Variants in PPP1R11 observed in about 807,000 individuals in gnomAD.
The protein encoded by PPP1R11 is protein phosphatase 1 regulatory inhibitor subunit 11, also known as E3 ubiquitin-protein ligase PPP1R11.
Under a neutral mutation model 11.3 loss-of-function variants are expected in PPP1R11, and 10 were observed. The observed-to-expected ratio is 0.88, with a 90% CI of 0.55 to 1.50. PPP1R11 has a LOEUF of 1.50. PPP1R11 is among the 40% of genes most tolerant of loss of function. The probability of loss-of-function intolerance (pLI) is 0.00; values close to 1 mark genes in which losing one functional copy is unlikely to be tolerated. For synonymous variants in PPP1R11, 56 were observed against 62.3 expected (o/e 0.90, Z 0.48); for missense variants, 114 against 179.1 (o/e 0.64, Z 2.07).
Position 30,069,099 on chromosome 6 carries a change from T to C in PPP1R11, c.179-5T>C, listed in dbSNP as rs771734349. 4 of 1,594,796 alleles carry C rather than the reference T, an allele frequency of 2.5e-6. No homozygotes were observed. The highest frequency in any genetic ancestry group is 3.4e-6 in the Non-Finnish European group (4 of 1,164,134). ...CTTTAACTGGGCTCCTCCCTCTAAA[T>C]CTAGGCTGCTGTATTTATGAGAAAC... On this transcript the variant is annotated splice_region_variant and splice_polypyrimidine_tract_variant and intron_variant, in intron 2 of 2. Transcript: ENST00000376772. This position sits in a 1 kb window ranked among gnomAD's most constrained non-coding sequence, Gnocchi z 6.6.
chr6:30,068,548 T>A lies in PPP1R11; in HGVS notation c.70-42T>A. On this transcript the variant is annotated intron_variant, in intron 1 of 2. Coordinates refer to ENST00000376772, the MANE Select transcript of PPP1R11 (RefSeq NM_021959.3). ...CCTGGGAGGGAGTGGGAAAGGTTAG[T>A]AAGAGGGGACTAGATAGGTATGCTC... The A allele has an allele frequency of 3.3e-6, 5 of 1,537,572 alleles. No homozygotes were observed. In the African/African-American group the frequency reaches 5.5e-5, roughly 17 times the overall value.
the PPP1R11 span, chr6:30,061,274 G>A: frequency 2.4e-6 from 1 of 411,434 alleles, no homozygotes. The surrounding 1 kb of genome is among the most constrained non-coding windows in gnomAD (Gnocchi z 5.0). Context: ...CAGAGCTGGC[G>A]CTCTAGCCCA....
At chr6:30,061,833 C>T, upstream of PPP1R11, 1 of 1,564,060 alleles carries the variant, frequency 6.4e-7, no homozygotes, top group Non-Finnish European at 8.8e-7. This position sits in a 1 kb window ranked among gnomAD's most constrained non-coding sequence, Gnocchi z 5.0. Flanking sequence ...GGCCTCCTGG[C>T]CTAACCAGCC....
the PPP1R11 span, chr6:30,061,630 G>A: frequency 6.2e-7 from 1 of 1,612,958 alleles, no homozygotes. This position sits in a 1 kb window ranked among gnomAD's most constrained non-coding sequence, Gnocchi z 5.0. Flanking sequence ...TCAGGATACG[G>A]TCACCTGTAT....
chr6:30,061,399 G>C, the PPP1R11 span: 1 of 1,074,294 alleles, frequency 9.3e-7, no homozygotes, highest in East Asian at 2.5e-5. The surrounding 1 kb of genome is among the most constrained non-coding windows in gnomAD (Gnocchi z 5.0). Context: ...GGCAGGAGGC[G>C]TGCGTGGCAG....
chr6:30,064,605 ATATCT>A (rs1455919816), upstream of PPP1R11: 183 of 1,425,248 alleles, frequency 1.3e-4, 2 homozygotes, highest in Non-Finnish European at 1.6e-4. Context: ...ATTTGATTGC[ATATCT>A]TATCTTATAC....
chr6:30,064,940 C>A, upstream of PPP1R11: 1 of 384,940 alleles, frequency 2.6e-6, no homozygotes, highest in Non-Finnish European at 4.6e-6. Flanking sequence ...TGTCTTATTC[C>A]AAAAGGAATT....
chr6:30,062,242 C>T (rs114533592), upstream of PPP1R11: 2 of 1,612,896 alleles, frequency 1.2e-6, no homozygotes, highest in East Asian at 2.2e-5. Context: ...GCGCTGCCCT[C>T]GATGTGGTCA....
Position 30,067,221 on chromosome 6 carries a change from G to A in PPP1R11, c.-190G>A. 1 of 556,688 alleles carries A rather than the reference G, an allele frequency of 1.8e-6. No homozygotes were observed. The highest frequency in any genetic ancestry group is 3.2e-6 in the Non-Finnish European group (1 of 311,832). 34.5% of individuals were successfully genotyped at this position (556,688 alleles called of 1,614,324 possible). On this transcript the variant is annotated 5_prime_UTR_variant, in exon 1 of 3. Coordinates refer to ENST00000376772, the MANE Select transcript of PPP1R11 (RefSeq NM_021959.3). ...GCGTCACACCCGGAAGCGGCGAGCC[G>A]GAAGTGGGGTTAGCCAGGTTATCCC...
chr6:30,061,621 C>A, the PPP1R11 span: 4 of 1,613,072 alleles, frequency 2.5e-6, no homozygotes, highest in Admixed American at 6.7e-5. This position sits in a 1 kb window ranked among gnomAD's most constrained non-coding sequence, Gnocchi z 5.0. Flanking sequence ...GCCCGGGGCT[C>A]AGGATACGGT....
chr6:30,069,224 G>A lies in PPP1R11; in HGVS notation c.299G>A (p.Arg100His), dbSNP rs770307762. The change falls in exon 3 of 3, where the codon CGT (arginine) becomes CAT (histidine). Residue 100 changes from arginine (R) to histidine (H), a missense_variant. Physicochemically the swap from Arg to His is conservative, Grantham distance 29. Coordinates refer to ENST00000376772, the MANE Select transcript of PPP1R11 (RefSeq NM_021959.3). The surrounding 1 kb of genome is among the most constrained non-coding windows in gnomAD (Gnocchi z 6.6). Reference sequence around the variant, plus strand: ...CGTGGCCACCGCAAAGGACGGCGTCGTGCAACCCTAGGACCGACCCCCACC... The same window carrying A: ...CGTGGCCACCGCAAAGGACGGCGTCATGCAACCCTAGGACCGACCCCCACC... Reference protein sequence around the residue: ...CVRGHRKGRRRATLGPTPTTP... With the variant: ...CVRGHRKGRRHATLGPTPTTP... 33 of 1,612,792 alleles carry A rather than the reference G, an allele frequency of 2.0e-5. No individual in the cohort carries two copies. Among genetic ancestry groups the A allele is most frequent in the Admixed American group, 5.0e-5 (3 of 59,996 alleles).
upstream of PPP1R11, chr6:30,062,396 A>C: frequency 1.7e-6 from 2 of 1,182,862 alleles, no homozygotes; most frequent in Non-Finnish European, 2.5e-6. Flanking sequence ...CCAGTGATTT[A>C]TTTTTTTGTA....
chr6:30,066,323 T>G (rs1309068296), upstream of PPP1R11, among the ~76,000 whole-genome samples: 1 of 152,218 alleles, frequency 6.6e-6, no homozygotes, highest in Non-Finnish European at 1.5e-5. Flanking sequence ...TACAACTTTT[T>G]AAGCTGCTCT....
Position 30,068,651 on chromosome 6 carries a change from C to G in PPP1R11, c.131C>G (p.Thr44Arg). The G allele has an allele frequency of 6.2e-7, 1 of 1,612,974 alleles. No homozygotes were observed. The highest frequency in any genetic ancestry group is 8.5e-7 in the Non-Finnish European group (1 of 1,179,970). The change falls in exon 2 of 3, where the codon ACA becomes AGA. Residue 44 changes from threonine to arginine, a missense_variant. By Grantham distance (71) the Thr-to-Arg change is moderately conservative (BLOSUM62 -1). Transcript: ENST00000376772. ...KRKPEKKVEW[T>R]SDTVDNEHMG... Reference sequence around the variant, plus strand: ...AAGCCAGAGAAAAAGGTAGAATGGACAAGTGACACTGTGGACAATGAACAC... The same window carrying G: ...AAGCCAGAGAAAAAGGTAGAATGGAGAAGTGACACTGTGGACAATGAACAC...
At chr6:30,068,547 G>A in intron 1 of PPP1R11, 43 bp from the exon 2 acceptor site, 1 of 1,535,064 alleles carries the variant, frequency 6.5e-7, no homozygotes, top group African/African-American at 1.4e-5. Flanking sequence ...GGAAAGGTTA[G>A]TAAGAGGGGA....
chr6:30,065,511 A>G (rs1322455614), upstream of PPP1R11, among the ~76,000 whole-genome samples: 1 of 152,166 alleles, frequency 6.6e-6, no homozygotes, highest in African/African-American at 2.4e-5. This position sits in a 1 kb window ranked among gnomAD's most constrained non-coding sequence, Gnocchi z 5.3. Context: ...TATTATAAGT[A>G]TATAATACAT....
chr6:30,063,723 G>A (rs1437901457), upstream of PPP1R11, among the ~76,000 whole-genome samples: 8 of 152,050 alleles, frequency 5.3e-5, no homozygotes, highest in Admixed American at 4.6e-4. The surrounding 1 kb of genome is among the most constrained non-coding windows in gnomAD (Gnocchi z 4.1). Context: ...GAGGCCTTGG[G>A]CGAGTGCTGT....
At chr6:30,065,327 A>C (rs1413616155), upstream of PPP1R11, among the ~76,000 whole-genome samples, 1 of 152,140 alleles carries the variant, frequency 6.6e-6, no homozygotes, top group Non-Finnish European at 1.5e-5. The surrounding 1 kb of genome is among the most constrained non-coding windows in gnomAD (Gnocchi z 5.3). Context: ...ATTTTCTTCT[A>C]CTTCTGAGAC....
upstream of PPP1R11, chr6:30,064,630 C>T: frequency 6.3e-7 from 1 of 1,582,134 alleles, no homozygotes; most frequent in Non-Finnish European, 8.6e-7. Context: ...CTACTAGAAA[C>T]TCATCTTTTG....
Sources: allele counts gnomAD v4.1 joint callset (sites outside exome capture counted in the v4.1 genomes callset), GRCh38; gene constraint gnomAD v4.1.1; non-coding constraint Gnocchi (gnomAD v3.1); transcripts MANE v1.5; gene names NCBI Gene and HGNC (gene_info 2026-07-23, HGNC 2026-07-21).